Variants in SCFD2 observed in about 807,000 individuals in gnomAD.
The protein encoded by SCFD2 is sec1 family domain-containing protein 2.
Under a neutral mutation model 58.9 loss-of-function variants are expected in SCFD2, and 54 were observed. The observed-to-expected ratio is 0.92, with a 90% confidence interval of 0.74 to 1.15. SCFD2 has a LOEUF of 1.15. Among genes scored for constraint, SCFD2 ranks in the 50% most tolerant of loss-of-function variants. The probability of loss-of-function intolerance (pLI) is 0.00; values close to 1 mark genes in which losing one functional copy is unlikely to be tolerated. For synonymous variants in SCFD2, 321 were observed against 335.9 expected, an observed-to-expected ratio of 0.96 and a Z score of 0.49; for missense variants, 805 against 836.6, an observed-to-expected ratio of 0.96 and a Z score of 0.47.
intron 7 of SCFD2, among the ~76,000 whole-genome samples, chr4:52,903,161 G>A (rs1025810305): frequency 6.6e-6 from 1 of 152,114 alleles, no homozygotes; most frequent in African/African-American, 2.4e-5. Flanking sequence ...AAAGAAGTTG[G>A]AAGAAACAGA....
intron 4 of SCFD2, among the ~76,000 whole-genome samples, chr4:53,262,321 T>TC (rs1491161038): frequency 6.6e-6 from 1 of 152,196 alleles, no homozygotes; most frequent in East Asian, 1.9e-4. Flanking sequence ...GTCTTTTTTT[T>TC]CCCATCGTGT....
rs115901951 is a variant in SCFD2, at chr4:53,190,828, A to G, written c.1312-45246T>C. Reference sequence around the variant, plus strand: ...AAATATGAAGATTTTCCAATCAAATAAACTACAGAAGGTTATGTCTGTGAA... The same window carrying G: ...AAATATGAAGATTTTCCAATCAAATGAACTACAGAAGGTTATGTCTGTGAA... On this transcript the variant is annotated intron_variant, in intron 4 of 8. Coordinates refer to ENST00000401642, the MANE Select transcript of SCFD2 (RefSeq NM_152540.4). Among the ~76,000 whole-genome samples, 1,135 of 147,312 alleles carry G rather than the reference A, an allele frequency of 7.7e-3. 7 individuals are homozygous for G. Among genetic ancestry groups the G allele is most frequent in the African/African-American group, 0.029 (1,068 of 36,822 alleles).
intron 2 of SCFD2, among the ~76,000 whole-genome samples, chr4:53,340,648 G>A (rs188830309): frequency 4.6e-5 from 7 of 152,158 alleles, no homozygotes; most frequent in South Asian, 2.1e-4. Context: ...ATCTGAGAAC[G>A]GGCAGACTAC....
intron 5 of SCFD2, among the ~76,000 whole-genome samples, chr4:53,089,107 C>T (rs1035898951): frequency 4.6e-5 from 7 of 152,110 alleles, no homozygotes; most frequent in Admixed American, 2.0e-4. Context: ...ATAGGAATTC[C>T]CAGTCTCCAG....
intron 5 of SCFD2, among the ~76,000 whole-genome samples, chr4:52,968,123 C>G (rs1721003804): frequency 6.6e-6 from 1 of 151,996 alleles, no homozygotes; most frequent in African/African-American, 2.4e-5. Flanking sequence ...ACCACCCTTG[C>G]AGGGGAATCA....
intron 4 of SCFD2, among the ~76,000 whole-genome samples, chr4:53,189,251 A>G (rs537703250): frequency 6.6e-5 from 10 of 152,350 alleles, no homozygotes; most frequent in Admixed American, 2.0e-4. Context: ...GGATTAAAAA[A>G]CAAAGAAAAA....
At chr4:53,069,571 T>C (rs1394222957) in intron 5 of SCFD2, among the ~76,000 whole-genome samples, 1 of 152,074 alleles carries the variant, frequency 6.6e-6, no homozygotes. Context: ...ATGATAGAAC[T>C]CTGTGGTGGA....
intron 4 of SCFD2, among the ~76,000 whole-genome samples, chr4:53,241,932 C>G (rs184262473): frequency 4.6e-5 from 7 of 152,354 alleles, no homozygotes; most frequent in Non-Finnish European, 8.8e-5. Context: ...TGGACATGTA[C>G]AGAGGACATA....
At chr4:53,300,574 G>T (rs908910114) in intron 3 of SCFD2, among the ~76,000 whole-genome samples, 4 of 152,226 alleles carry the variant, frequency 2.6e-5, no homozygotes, top group Middle Eastern at 3.4e-3. Context: ...CCCAGGAATT[G>T]AACGCAGCTC....
intron 5 of SCFD2, among the ~76,000 whole-genome samples, chr4:52,965,866 A>C (rs188786446): frequency 9.2e-5 from 14 of 152,318 alleles, no homozygotes; most frequent in African/African-American, 1.4e-4. Flanking sequence ...TTACTCAAAA[A>C]ACTTGACTCT....
intron 7 of SCFD2, among the ~76,000 whole-genome samples, chr4:52,894,516 G>C (rs1718953173): frequency 6.6e-6 from 1 of 152,190 alleles, no homozygotes; most frequent in Non-Finnish European, 1.5e-5. Context: ...TAGGGAGAGG[G>C]GTAAGGTATG....
intron 5 of SCFD2, among the ~76,000 whole-genome samples, chr4:52,969,630 T>C (rs1721046267): frequency 6.6e-6 from 1 of 152,190 alleles, no homozygotes; most frequent in Non-Finnish European, 1.5e-5. Context: ...TAATTTGCTG[T>C]TTCTCCTTCC....
In SCFD2 at chr4:52,999,363, C is replaced by T. The variant is rs573904759; in HGVS notation, c.1562-78493G>A. Among the ~76,000 whole-genome samples the T allele has an allele frequency of 2.6e-5, 4 of 152,312 alleles. No individual in the cohort carries two copies. The South Asian group carries it at 8.3e-4, about 32-fold the overall frequency. On this transcript the variant is annotated intron_variant, in intron 5 of 8. Coordinates refer to ENST00000401642, the MANE Select transcript of SCFD2 (RefSeq NM_152540.4). ...CATTTGTATTCCATTTAATAACTCT[C>T]ATCAGATTGCAATTCTGTTCCTCTT... is the stretch of plus-strand genomic sequence containing the variant.
intron 5 of SCFD2, among the ~76,000 whole-genome samples, chr4:53,104,267 G>A (rs1046324244): frequency 3.9e-5 from 6 of 152,124 alleles, no homozygotes; most frequent in Admixed American, 6.6e-5. Context: ...CTCTTGATAC[G>A]ATGTAATGAA....
At position 53,020,741 on chromosome 4, in the gene SCFD2, C is replaced by A. The variant is rs144853412; in HGVS notation, c.1562-99871G>T. ...CGAGGGTACAAATGAAATACACCAC[C>A]GCCACACAGGGCAGATAAAGACTTC... On this transcript the variant is annotated intron_variant, in intron 5 of 8. Coordinates refer to ENST00000401642, the MANE Select transcript of SCFD2 (RefSeq NM_152540.4). 2.0e-5 allele frequency among the ~76,000 whole-genome samples: 3 copies of A among 152,200 alleles called. No individual in the cohort carries two copies. In the East Asian group the frequency reaches 5.8e-4, roughly 29 times the overall value.
intron 5 of SCFD2, among the ~76,000 whole-genome samples, chr4:53,005,250 G>A (rs995156641): frequency 9.2e-5 from 14 of 152,178 alleles, no homozygotes; most frequent in African/African-American, 3.4e-4. Flanking sequence ...AAGTCCATGA[G>A]ACCAAGGTAA....
chr4:52,885,689 A>C (rs2109447224), intron 8 of SCFD2, 58 bp downstream of exon 8: 1 of 1,601,902 alleles, frequency 6.2e-7, no homozygotes, highest in South Asian at 1.1e-5. Context: ...GAGGGCCCTC[A>C]CCCACCCTTC....
chr4:52,875,523 G>A (rs1718449256), intron 8 of SCFD2, among the ~76,000 whole-genome samples: 1 of 151,922 alleles, frequency 6.6e-6, no homozygotes, highest in African/African-American at 2.4e-5. Context: ...AGTGGTGCAA[G>A]TGGGCCCACA....
At chr4:52,910,589 A>G (rs1386092945) in intron 6 of SCFD2, among the ~76,000 whole-genome samples, 1 of 152,236 alleles carries the variant, frequency 6.6e-6, no homozygotes, top group Non-Finnish European at 1.5e-5. Context: ...TTATTAGTCT[A>G]TTAAAACTCA....
Sources: gnomAD v4.1 joint callset for allele counts (sites outside exome capture counted in the v4.1 genomes callset) on GRCh38, gnomAD v4.1.1 for gene constraint, MANE v1.5 for transcripts, NCBI Gene and HGNC (gene_info 2026-07-23, HGNC 2026-07-21) for gene names.